Variants in ZBTB49 observed in about 807,000 individuals in gnomAD.
The protein encoded by ZBTB49 is zinc finger and BTB domain-containing protein 49.
In ZBTB49, 43 loss-of-function variants were observed where a neutral mutation model predicts 57.5. That is an observed-to-expected ratio of 0.75 (90% CI 0.59 to 0.97). The LOEUF is 0.97. Among genes scored for constraint, ZBTB49 ranks in the 50% least tolerant of loss-of-function variants. The pLI is 0.00. For synonymous variants in ZBTB49, 369 were observed against 362.1 expected (o/e 1.02, Z -0.22); for missense variants, 938 against 947.7 (o/e 0.99, Z 0.13).
In ZBTB49 at chr4:4,299,953, C is replaced by T. The variant is rs776918894; in HGVS notation, c.8C>T (p.Pro3Leu). Reference sequence around the variant, plus strand: ...TCACCTGAATGGTTGAGCATGGACCCTGTTGCTACCCACAGCTGCCATCTG... The same window carrying T: ...TCACCTGAATGGTTGAGCATGGACCTTGTTGCTACCCACAGCTGCCATCTG... MDPVATHSCHLLQ... is the reference protein window; with the variant it reads MDLVATHSCHLLQ... The change falls in exon 2 of 8, where the codon CCT becomes CTT. Residue 3 changes from proline to leucine, a missense_variant. Pro to Leu is a moderately conservative substitution (Grantham distance 98). Coordinates refer to ENST00000337872, the MANE Select transcript of ZBTB49 (RefSeq NM_145291.4). 4 of 1,613,996 alleles carry T rather than the reference C, an allele frequency of 2.5e-6. No homozygotes were observed. The highest frequency in any genetic ancestry group is 3.4e-6 in the Non-Finnish European group (4 of 1,180,016).
chr4:4,310,244 A>G (rs887705133), intron 4 of ZBTB49, among the ~76,000 whole-genome samples: 9 of 152,232 alleles, frequency 5.9e-5, no homozygotes, highest in Admixed American at 2.6e-4. Flanking sequence ...AAGTTCCTTT[A>G]CTGCTAATAT....
At position 4,321,440 on chromosome 4, in the gene ZBTB49, T is replaced by A; in HGVS notation, c.*124T>A. The A allele has an allele frequency of 9.9e-7, 1 of 1,008,412 alleles. No individual in the cohort carries two copies. Among genetic ancestry groups the A allele is most frequent in the Admixed American group, 2.6e-5 (1 of 38,782 alleles). The allele number at this position is 1,008,412 out of a possible 1,614,324, so 62.5% of individuals were successfully genotyped here. A position where few individuals can be genotyped will look rare whatever the true frequency, so the allele number is the denominator to read the frequency against. On this transcript the variant is annotated 3_prime_UTR_variant, in exon 8 of 8. Transcript: ENST00000337872. ...CTAGCCAGAGAATAGGTAGCTTCCCTCCTGATGATGGCTCATAATCTGAAG... is the reference window on the plus strand; with the variant it reads ...CTAGCCAGAGAATAGGTAGCTTCCCACCTGATGATGGCTCATAATCTGAAG...
intron 4 of ZBTB49, among the ~76,000 whole-genome samples, chr4:4,308,774 C>T (rs1720852629): frequency 6.6e-6 from 1 of 152,098 alleles, no homozygotes; most frequent in Non-Finnish European, 1.5e-5. Flanking sequence ...TGTAAATGAT[C>T]GAGTACAGTG....
intron 3 of ZBTB49, among the ~76,000 whole-genome samples, chr4:4,303,446 T>C (rs1720593383): frequency 6.6e-6 from 1 of 152,222 alleles, no homozygotes; most frequent in South Asian, 2.1e-4. Context: ...GTTGTCTTTT[T>C]AGAATTAGAT....
At position 4,303,261 on chromosome 4, in the gene ZBTB49, A is replaced by C. The variant is rs527326257; in HGVS notation, c.1255+170A>C. Among the ~76,000 whole-genome samples, 163 of 152,352 alleles carry C rather than the reference A, an allele frequency of 1.1e-3. 2 individuals carry two copies. In the South Asian group the frequency reaches 0.033, roughly 31 times the overall value. ...TTTTGTTTTATATTTTTGGTGATGC[A>C]TCTGACTTAAAGTTTTGTAAATGGT... On this transcript the variant is annotated intron_variant, in intron 3 of 7. Transcript: ENST00000337872.
At chr4:4,303,193 AT>A in intron 3 of ZBTB49, 102 bp downstream of exon 3, 1 of 1,345,764 alleles carries the variant, frequency 7.4e-7, no homozygotes, top group South Asian at 2.0e-5. Context: ...CTGTTGTTTG[AT>A]GTCATTGATG....
chr4:4,290,530 C>CA (rs1044479531), intron 1 of ZBTB49, among the ~76,000 whole-genome samples, 178 bp downstream of exon 1: 3 of 152,350 alleles, frequency 2.0e-5, no homozygotes, highest in African/African-American at 7.2e-5. Flanking sequence ...AGTCAGCGAG[C>CA]ATTTGCTCTG....
At position 4,302,942 on chromosome 4, in the gene ZBTB49, G is replaced by T. The variant is rs764986762; in HGVS notation, c.1106G>T (p.Cys369Phe). Residue 369 changes from cysteine (C) to phenylalanine (F), a missense_variant, in exon 3 of 8, where the codon TGC becomes TTC. Cys to Phe is a radical substitution (Grantham distance 205). Transcript: ENST00000337872. ...GTCGTCAGTTGTGAGAATTTTAATT[G>T]CATTAGTGAGACGGAGAGGCCTGAA... is the stretch of plus-strand genomic sequence containing the variant. ...EEVVSCENFN[C>F]ISETERPEDP... 47 of 1,614,092 alleles carry T rather than the reference G, an allele frequency of 2.9e-5. No homozygotes were observed. The highest frequency in any genetic ancestry group is 3.8e-5 in the Non-Finnish European group (45 of 1,180,044).
At chr4:4,305,538 C>G (rs1221201814) in intron 3 of ZBTB49, among the ~76,000 whole-genome samples, 5 of 152,080 alleles carry the variant, frequency 3.3e-5, no homozygotes, top group African/African-American at 1.2e-4. Flanking sequence ...CTGTTCTGTC[C>G]CCAAGCGCAG....
chr4:4,298,674 C>T (rs1720331238), intron 1 of ZBTB49, among the ~76,000 whole-genome samples: 1 of 152,186 alleles, frequency 6.6e-6, no homozygotes, highest in South Asian at 2.1e-4. Flanking sequence ...AAGTGATCCT[C>T]CTGCCTCAAC....
chr4:4,294,887 G>A (rs1287184965), intron 1 of ZBTB49, among the ~76,000 whole-genome samples: 2 of 151,214 alleles, frequency 1.3e-5, no homozygotes, highest in Non-Finnish European at 3.0e-5. Context: ...GTGTGTGTGT[G>A]TGTGTGTGTG....
intron 7 of ZBTB49, 119 bp from the exon 8 acceptor site, chr4:4,320,521 T>A: frequency 7.8e-7 from 1 of 1,282,184 alleles, no homozygotes; most frequent in Non-Finnish European, 1.1e-6. Context: ...GCGCCTGTCG[T>A]CCCAGCTACT....
intron 3 of ZBTB49, among the ~76,000 whole-genome samples, chr4:4,304,225 ATTT>A (rs35865014): frequency 5.2e-5 from 7 of 135,660 alleles, no homozygotes; most frequent in Admixed American, 7.3e-5. Context: ...GATTACTGCA[ATTT>A]TTTTTTTTTT....
At chr4:4,312,461 C>T (rs1030469671) in intron 4 of ZBTB49, among the ~76,000 whole-genome samples, 3 of 152,214 alleles carry the variant, frequency 2.0e-5, no homozygotes, top group African/African-American at 4.8e-5. Context: ...ACACAATGGC[C>T]CTGCACCTGA....
chr4:4,310,803 G>A lies in ZBTB49; in HGVS notation c.1303-2238G>A, dbSNP rs58805589. On this transcript the variant is annotated intron_variant, in intron 4 of 7. Coordinates refer to ENST00000337872, the MANE Select transcript of ZBTB49 (RefSeq NM_145291.4). Reference sequence around the variant, plus strand: ...CAAAGTGCTGGGATTACGGGCATGAGCCACTGCGCCCGGCCTACTTGCTAG... The same window carrying A: ...CAAAGTGCTGGGATTACGGGCATGAACCACTGCGCCCGGCCTACTTGCTAG... Among the ~76,000 whole-genome samples the A allele has an allele frequency of 8.0e-3, 1,224 of 152,088 alleles. 15 individuals carry two copies. The highest frequency in any genetic ancestry group is 0.027 in the African/African-American group (1,132 of 41,460).
chr4:4,292,708 A>G (rs897603171), intron 1 of ZBTB49, among the ~76,000 whole-genome samples: 25 of 152,218 alleles, frequency 1.6e-4, no homozygotes, highest in African/African-American at 5.8e-4. Context: ...ACTCCTTAGG[A>G]GCCCTCTGAG....
Position 4,312,939 on chromosome 4 carries a change from T to C in ZBTB49, c.1303-102T>C. ...AGCTCATCTTCATCTGGAATTTGAA[T>C]TGGAACCTGGCTAAATGTGTCAGTT... On this transcript the variant is annotated intron_variant, in intron 4 of 7. Transcript: ENST00000337872. 6 of 1,283,878 alleles carry C rather than the reference T, an allele frequency of 4.7e-6. No individual in the cohort carries two copies. In the South Asian group the frequency reaches 6.8e-5, roughly 14 times the overall value. 79.5% of individuals were successfully genotyped at this position (1,283,878 alleles called of 1,614,324 possible).
In ZBTB49 at chr4:4,315,962, C is replaced by T. The variant is rs755074295; in HGVS notation, c.1613C>T (p.Ser538Phe). ...ACGGGGGAGCGGCCTTACAGCTGCT[C>T]TGCCTGCGGTGAGTTTGGGTTTCTG... ...RHTGERPYSC[S>F]ACGKCFGGSG... The change falls in exon 7 of 8, where the codon TCT becomes TTT. Residue 538 changes from serine to phenylalanine, a missense_variant. Ser to Phe is a radical substitution (Grantham distance 155, BLOSUM62 -2). Coordinates refer to ENST00000337872, the MANE Select transcript of ZBTB49 (RefSeq NM_145291.4). 6.2e-7 allele frequency: 1 copy of T among 1,613,826 alleles called. No homozygotes were observed.
chr4:4,313,539 C>T (rs1721066213), intron 5 of ZBTB49, among the ~76,000 whole-genome samples: 1 of 152,140 alleles, frequency 6.6e-6, no homozygotes, highest in Admixed American at 6.5e-5. Flanking sequence ...AGCCGTGGGT[C>T]TGTAACAGCC....
Sources: gnomAD v4.1 joint callset for allele counts (sites outside exome capture counted in the v4.1 genomes callset) on GRCh38, gnomAD v4.1.1 for gene constraint, MANE v1.5 for transcripts, NCBI Gene and HGNC (gene_info 2026-07-23, HGNC 2026-07-21) for gene names.